Variants in DGKB observed in about 807,000 individuals in gnomAD.
DGKB encodes the protein 90 kDa diacylglycerol kinase.
A neutral mutation model predicts 114.3 loss-of-function variants in DGKB; 67 were observed. The observed-to-expected ratio is 0.59, with a 90% confidence interval of 0.48 to 0.72. DGKB has a LOEUF of 0.72. Ranked by LOEUF, DGKB falls within the 30% of genes least tolerant of loss-of-function variation. The pLI, the probability that DGKB is intolerant of heterozygous loss-of-function variation, is 0.00. For missense variants in DGKB, 907 were observed against 975.2 expected (o/e 0.93, Z 0.93); for synonymous variants, 398 against 323.1 (o/e 1.23, Z -2.49).
intron 25 of DGKB, among the ~76,000 whole-genome samples, chr7:14,161,924 T>A (rs1036586647): frequency 6.6e-6 from 1 of 152,172 alleles, no homozygotes; most frequent in Non-Finnish European, 1.5e-5. Flanking sequence ...GATATTCTAG[T>A]CAGTTCATTT....
intron 23 of DGKB, among the ~76,000 whole-genome samples, chr7:14,277,546 C>T (rs1364947409): frequency 6.6e-6 from 1 of 152,192 alleles, no homozygotes; most frequent in Admixed American, 6.5e-5. Flanking sequence ...TGGCTTATTT[C>T]ACTTATCATA....
intron 12 of DGKB, among the ~76,000 whole-genome samples, chr7:14,677,991 T>C (rs995705401): frequency 1.3e-5 from 2 of 152,012 alleles, no homozygotes; most frequent in South Asian, 4.1e-4. Context: ...AACTGAAAAA[T>C]GGGTGTGAAA....
intron 20 of DGKB, among the ~76,000 whole-genome samples, chr7:14,500,011 A>T (rs1301147267): frequency 6.6e-6 from 1 of 151,880 alleles, no homozygotes; most frequent in African/African-American, 2.4e-5. Context: ...AACCAGGACT[A>T]CTATAACCTA....
chr7:14,879,027 T>G (rs980639211), intron 1 of DGKB, among the ~76,000 whole-genome samples: 3 of 151,884 alleles, frequency 2.0e-5, no homozygotes, highest in Admixed American at 6.6e-5. Context: ...CAAAAACACA[T>G]GCTTTTATGT....
At chr7:14,440,373 C>T (rs1408422546) in intron 21 of DGKB, among the ~76,000 whole-genome samples, 3 of 151,988 alleles carry the variant, frequency 2.0e-5, no homozygotes, top group Non-Finnish European at 4.4e-5. Flanking sequence ...TTGATCAGGA[C>T]CCTCACTCAT....
chr7:14,676,397 T>C (rs953222065), intron 12 of DGKB, among the ~76,000 whole-genome samples: 2 of 151,934 alleles, frequency 1.3e-5, no homozygotes, highest in East Asian at 3.9e-4. Flanking sequence ...AATAATTTAA[T>C]TGTACATTTT....
chr7:14,931,598 G>A lies in DGKB; in HGVS notation c.-188+43098C>T, dbSNP rs575664667. 5.9e-5 allele frequency among the ~76,000 whole-genome samples: 9 copies of A among 152,200 alleles called. No individual in the cohort carries two copies. The South Asian group carries it at 1.2e-3, about 21-fold the overall frequency. On this transcript the variant is annotated intron_variant, in intron 1 of 4. Transcript: ENST00000437998. ...TTGCTGTGCTGAGATCTTGGAATGC[G>A]GAGGGTGGAACAGTCCCCATAGCCA...
In DGKB at chr7:14,902,748, G is replaced by T. The variant is rs987782443; in HGVS notation, c.-344C>A. The T allele has an allele frequency of 6.6e-6, 1 of 152,194 alleles. No homozygotes were observed. Among genetic ancestry groups the T allele is most frequent in the African/African-American group, 2.4e-5 (1 of 41,404 alleles). 9.4% of individuals were successfully genotyped at this position (152,194 alleles called of 1,614,324 possible). A position where few individuals can be genotyped will look rare whatever the true frequency, so the allele number is the denominator to read the frequency against. ...CCCACACAGCTCGGCTTCCCCAGAGGAGTGGAGCTTCAAGAACTCTGCTCA... is the reference window on the plus strand; with the variant it reads ...CCCACACAGCTCGGCTTCCCCAGAGTAGTGGAGCTTCAAGAACTCTGCTCA... On this transcript the variant is annotated 5_prime_UTR_variant, in exon 1 of 26. Transcript: ENST00000402815.
intron 1 of DGKB, among the ~76,000 whole-genome samples, chr7:14,932,871 A>G (rs1785094159): frequency 6.6e-6 from 1 of 152,188 alleles, no homozygotes; most frequent in South Asian, 2.1e-4. Flanking sequence ...AAAAAGAGGC[A>G]GTGAGTGATA....
At chr7:14,622,926 T>C (rs1807919604) in intron 14 of DGKB, among the ~76,000 whole-genome samples, 1 of 152,154 alleles carries the variant, frequency 6.6e-6, no homozygotes, top group African/African-American at 2.4e-5. Context: ...GTCAGAGAAG[T>C]TTCTCTAGTC....
chr7:14,240,687 C>T (rs1303893153), intron 23 of DGKB, among the ~76,000 whole-genome samples: 1 of 152,024 alleles, frequency 6.6e-6, no homozygotes, highest in East Asian at 1.9e-4. Flanking sequence ...ATGTGGGTCT[C>T]CTTATTTACT....
intron 17 of DGKB, among the ~76,000 whole-genome samples, chr7:14,586,760 G>A (rs1212096823): frequency 2.6e-5 from 4 of 151,582 alleles, no homozygotes. Flanking sequence ...CTCTACCTGT[G>A]CACTATAAAT....
intron 17 of DGKB, 100 bp from the exon 18 acceptor site, chr7:14,583,237 T>C: frequency 1.5e-6 from 1 of 664,424 alleles, no homozygotes; most frequent in African/African-American, 1.9e-5. Context: ...TACGTTTTTA[T>C]TTTATAAAAA....
At chr7:14,911,711 G>C (rs928959245) in intron 1 of DGKB, among the ~76,000 whole-genome samples, 3 of 152,098 alleles carry the variant, frequency 2.0e-5, no homozygotes, top group African/African-American at 7.2e-5. Flanking sequence ...AAGTACCTTA[G>C]CTATAGGAAA....
intron 23 of DGKB, among the ~76,000 whole-genome samples, chr7:14,334,392 GT>G (rs1810308029): frequency 1.3e-5 from 1 of 79,158 alleles, no homozygotes; most frequent in Admixed American, 1.4e-4. Context: ...GTGTGTGTGT[GT>G]GTGCGCGCGC....
chr7:14,333,409 C>G (rs1009079083), intron 23 of DGKB, among the ~76,000 whole-genome samples: 2 of 147,674 alleles, frequency 1.4e-5, no homozygotes, highest in Non-Finnish European at 3.0e-5. Flanking sequence ...TGCAGTGAGC[C>G]GAGATCCCAC....
At chr7:14,407,995 A>AC (rs1358602891) in intron 21 of DGKB, among the ~76,000 whole-genome samples, 16 of 152,096 alleles carry the variant, frequency 1.1e-4, no homozygotes, top group Admixed American at 1.0e-3. Flanking sequence ...CCCAATCCTC[A>AC]CAAACCATAA....
At chr7:14,714,088 C>CACAG (rs1299741568) in intron 6 of DGKB, among the ~76,000 whole-genome samples, 2 of 151,114 alleles carry the variant, frequency 1.3e-5, no homozygotes, top group Non-Finnish European at 3.0e-5. Context: ...CACACACACA[C>CACAG]ACACACACAC....
intron 21 of DGKB, among the ~76,000 whole-genome samples, chr7:14,352,724 A>G (rs1253127705): frequency 6.6e-6 from 1 of 152,136 alleles, no homozygotes; most frequent in Admixed American, 6.5e-5. Context: ...GGAGTTTGAG[A>G]GCAGCCTGAC....
Sources: gnomAD v4.1 joint callset for allele counts (sites outside exome capture counted in the v4.1 genomes callset) on GRCh38, gnomAD v4.1.1 for gene constraint, MANE v1.5 for transcripts, NCBI Gene and HGNC (gene_info 2026-07-23, HGNC 2026-07-21) for gene names.